The following KLHDC4 variants were observed in gnomAD, a reference collection of about 807,000 sequenced individuals.
The protein encoded by KLHDC4 is kelch domain containing 4.
In KLHDC4, 90 loss-of-function variants were observed where a neutral mutation model predicts 62.4. The observed-to-expected ratio is 1.44, with a 90% confidence interval of 1.22 to 1.72. The LOEUF is 1.72. KLHDC4 is among the 40% of genes most tolerant of loss of function. The probability of loss-of-function intolerance (pLI) is 0.00; values close to 1 mark genes in which losing one functional copy is unlikely to be tolerated. For missense variants in KLHDC4, 1,025 were observed against 699.7 expected, an observed-to-expected ratio of 1.47 and a Z score of -5.25; for synonymous variants, 386 against 284.4, an observed-to-expected ratio of 1.36 and a Z score of -3.59.
At chr16:87,709,209 C>A in intron 10 of KLHDC4, 56 bp downstream of exon 10, 2 of 1,560,564 alleles carry the variant, frequency 1.3e-6, no homozygotes, top group Non-Finnish European at 8.7e-7. Flanking sequence ...AGGGACGCGA[C>A]ACACGACCGT....
At chr16:87,748,521 G>A in intron 5 of KLHDC4, 152 bp downstream of exon 5, 1 of 920,540 alleles carries the variant, frequency 1.1e-6, no homozygotes, top group Non-Finnish European at 1.6e-6. Context: ...GAGAAAATGT[G>A]GTCTCCCAGG....
At chr16:87,763,412 G>C (rs1368952507) in intron 1 of KLHDC4, 2 of 152,208 alleles carry the variant, frequency 1.3e-5, no homozygotes, top group East Asian at 3.9e-4. Context: ...AGACCAGCCT[G>C]ACCAACACGG....
At chr16:87,702,107 C>T in exon 14 of KLHDC4, 1 of 456,258 alleles carries the variant, frequency 2.2e-6, no homozygotes, top group Non-Finnish European at 4.4e-6. Flanking sequence ...CCTTCGGGTC[C>T]CAGAGCTTCC....
intron 5 of KLHDC4, among the ~76,000 whole-genome samples, chr16:87,746,088 A>G (rs2042992302): frequency 6.6e-6 from 1 of 151,624 alleles, no homozygotes. Flanking sequence ...ACATGACAAG[A>G]CCCCATCTCT....
At position 87,701,413 on chromosome 16, in the gene KLHDC4, A is replaced by T. The variant is rs1284371916; in HGVS notation, c.*226T>A. 4 of 341,564 alleles carry T rather than the reference A, an allele frequency of 1.2e-5. No individual in the cohort carries two copies. The East Asian group carries it at 3.0e-4, about 26-fold the overall frequency. The allele number at this position is 341,564 out of a possible 1,614,324, so 21.2% of individuals were successfully genotyped here. A position where few individuals can be genotyped will look rare whatever the true frequency, so the allele number is the denominator to read the frequency against. On this transcript the variant is annotated 3_prime_UTR_variant, in exon 1 of 1. Transcript: ENST00000446344. ...ACCCATTAGGAACAAATGCTCTTTA[A>T]GTCTGTTTCTTCATGAAACCCAAAG...
At chr16:87,709,120 A>G in intron 10 of KLHDC4, 145 bp downstream of exon 10, 1 of 1,067,718 alleles carries the variant, frequency 9.4e-7, no homozygotes, top group Non-Finnish European at 1.3e-6. Flanking sequence ...TTCTCCGTCA[A>G]TCTGACCGTG....
chr16:87,758,902 G>A (rs1403359168), intron 2 of KLHDC4, among the ~76,000 whole-genome samples: 2 of 77,544 alleles, frequency 2.6e-5, no homozygotes, highest in South Asian at 3.4e-4. Context: ...TTGGCCAGGC[G>A]CATTGGCTCA....
chr16:87,705,060 AG>A (rs1285114711), downstream of KLHDC4, among the ~76,000 whole-genome samples: 2 of 152,168 alleles, frequency 1.3e-5, no homozygotes, highest in East Asian at 3.8e-4. Context: ...CCCTGCAGTC[AG>A]GGGTCTGGGG....
At chr16:87,702,247 G>C in exon 1 of KLHDC4, 1 of 456,352 alleles carries the variant, frequency 2.2e-6, no homozygotes. Context: ...CAGTGGCTCT[G>C]CCAGGCGCCG....
downstream of KLHDC4, among the ~76,000 whole-genome samples, chr16:87,704,417 T>C (rs865778509): frequency 1.1e-3 from 96 of 86,284 alleles, 7 homozygotes; most frequent in Middle Eastern, 8.1e-3. Flanking sequence ...CTGGGGAGGG[T>C]CCTGAACGTC....
At chr16:87,752,139 G>T (rs2044092202) in intron 4 of KLHDC4, among the ~76,000 whole-genome samples, 1 of 146,826 alleles carries the variant, frequency 6.8e-6, no homozygotes, top group African/African-American at 2.5e-5. Context: ...AGGCACAGTG[G>T]CTCACGCCTG....
chr16:87,746,355 G>C (rs376736465), intron 5 of KLHDC4, among the ~76,000 whole-genome samples: 50 of 151,958 alleles, frequency 3.3e-4, no homozygotes, highest in African/African-American at 1.2e-3. Flanking sequence ...ACCACAAAGA[G>C]AGAAAGAGAG....
At chr16:87,701,860 G>T (rs758302303) in exon 1 of KLHDC4, 3 of 456,596 alleles carry the variant, frequency 6.6e-6, no homozygotes, top group African/African-American at 2.0e-5. Flanking sequence ...CATCCACACC[G>T]AGGAAGCCTC....
chr16:87,748,321 C>A lies in KLHDC4; in HGVS notation c.506+352G>T, dbSNP rs1458508659. On this transcript the variant is annotated intron_variant, in intron 5 of 11. Transcript: ENST00000270583. ...GTGCCTTTTAGTCAATGACACATCGCTATGGGGCCCCCCTTCCAACAAGCT... is the reference window on the plus strand; with the variant it reads ...GTGCCTTTTAGTCAATGACACATCGATATGGGGCCCCCCTTCCAACAAGCT... 3.3e-5 allele frequency among the ~76,000 whole-genome samples: 5 copies of A among 152,352 alleles called. No homozygotes were observed. In the Middle Eastern group the frequency reaches 0.014, roughly 417 times the overall value.
At position 87,714,572 on chromosome 16, in the gene KLHDC4, C is replaced by T; in HGVS notation, c.761G>A (p.Arg254Lys). Reference sequence around the variant, plus strand: ...GCCCTTGTCCACGTCTTTCTTAACTCTCTGCAATGGAAAGGAATTGTGTGA... The same window carrying T: ...GCCCTTGTCCACGTCTTTCTTAACTTTCTGCAATGGAAAGGAATTGTGTGA... ...IVVYGGYSKQ[R>K]VKKDVDKGTR... is the part of the protein sequence containing the mutation. The change falls in exon 8 of 12, where the codon AGA becomes AAA. Residue 254 changes from arginine (R) to lysine (K), a missense_variant and splice_region_variant. By Grantham distance (26) the Arg-to-Lys change is conservative. Coordinates refer to ENST00000270583, the MANE Select transcript of KLHDC4 (RefSeq NM_017566.4). The T allele has an allele frequency of 6.2e-7, 1 of 1,614,124 alleles. No homozygotes were observed. Among genetic ancestry groups the T allele is most frequent in the South Asian group, 1.1e-5 (1 of 91,088 alleles).
At chr16:87,725,781 C>A (rs1318300366) in intron 7 of KLHDC4, among the ~76,000 whole-genome samples, 4 of 152,064 alleles carry the variant, frequency 2.6e-5, no homozygotes, top group African/African-American at 9.7e-5. Flanking sequence ...TGCCAGTACA[C>A]GTGCAGAGCA....
At chr16:87,716,077 G>A (rs1049717939) in intron 7 of KLHDC4, among the ~76,000 whole-genome samples, 2 of 152,164 alleles carry the variant, frequency 1.3e-5, no homozygotes, top group Non-Finnish European at 2.9e-5. Context: ...CTTCAGGTAC[G>A]CTCTATGTCT....
chr16:87,729,158 C>T (rs1475576935), intron 6 of KLHDC4, among the ~76,000 whole-genome samples: 4 of 152,152 alleles, frequency 2.6e-5, no homozygotes, highest in African/African-American at 4.8e-5. Flanking sequence ...CTTTTCCCCC[C>T]GAATTCACAA....
rs918659155 is a variant in KLHDC4 at position 87,708,022 on chromosome 16, G to A, written c.*55C>T. 9.9e-6 allele frequency: 5 copies of A among 503,070 alleles called. No homozygotes were observed. Among genetic ancestry groups the A allele is most frequent in the Non-Finnish European group, 1.9e-5 (5 of 257,554 alleles). The allele number at this position is 503,070 out of a possible 1,614,324, so 31.2% of individuals were successfully genotyped here. ...CAAGAGCTTCACTCAACACGGCTGG[G>A]TCCTGGGCGGACGTGGGCACAGCAC... On this transcript the variant is annotated 3_prime_UTR_variant, in exon 12 of 12. Transcript: ENST00000270583.
Sources: gnomAD v4.1 joint callset for allele counts (sites outside exome capture counted in the v4.1 genomes callset) on GRCh38, gnomAD v4.1.1 for gene constraint, MANE v1.5 for transcripts, NCBI Gene and HGNC (gene_info 2026-07-23, HGNC 2026-07-21) for gene names.